Variants in BANK1 observed in about 807,000 individuals in gnomAD.
BANK1 encodes B cell scaffold protein with ankyrin repeats 1.
In BANK1, 95 loss-of-function variants were observed where a neutral mutation model predicts 94.5. The ratio of observed to expected loss-of-function variants is 1.00; its 90% CI spans 0.85 to 1.19. The LOEUF (loss-of-function observed/expected upper bound fraction) is 1.19, where lower values mean the gene tolerates loss of function less well. BANK1 is among the 50% of genes most tolerant of loss of function. BANK1 has a pLI of 0.00. For synonymous variants in BANK1, 334 were observed against 308.4 expected (o/e 1.08, Z -0.87); for missense variants, 987 against 932.2 (o/e 1.06, Z -0.77).
intron 7 of BANK1, among the ~76,000 whole-genome samples, chr4:102,002,365 A>G (rs1030188302): frequency 4.3e-5 from 6 of 139,588 alleles, no homozygotes; most frequent in Admixed American, 2.2e-4. Context: ...TCCTTTGTGG[A>G]AAAAAAAAAA....
chr4:101,819,139 C>CA (rs1331098354), intron 1 of BANK1, among the ~76,000 whole-genome samples: 1 of 152,084 alleles, frequency 6.6e-6, no homozygotes, highest in East Asian at 1.9e-4. Flanking sequence ...TATAAATTCC[C>CA]AAAAAATACC....
intron 7 of BANK1, among the ~76,000 whole-genome samples, chr4:101,985,554 T>A (rs1725456224): frequency 6.6e-6 from 1 of 152,142 alleles, no homozygotes; most frequent in South Asian, 2.1e-4. Flanking sequence ...TGTTAAATTT[T>A]AACTTGTGTT....
At chr4:102,041,215 G>A (rs985620745) in intron 10 of BANK1, among the ~76,000 whole-genome samples, 2 of 152,002 alleles carry the variant, frequency 1.3e-5, no homozygotes, top group Non-Finnish European at 2.9e-5. Flanking sequence ...AAGTCTTTTA[G>A]AACAAAGGTT....
At chr4:101,899,139 G>A (rs1160316022) in intron 6 of BANK1, among the ~76,000 whole-genome samples, 1 of 151,588 alleles carries the variant, frequency 6.6e-6, no homozygotes, top group Non-Finnish European at 1.5e-5. Flanking sequence ...CAGAAGCTGT[G>A]AAGAAATCAA....
chr4:101,987,675 A>G (rs975106569), intron 7 of BANK1, among the ~76,000 whole-genome samples: 1 of 152,150 alleles, frequency 6.6e-6, no homozygotes, highest in East Asian at 1.9e-4. Flanking sequence ...TCCTCTGTTC[A>G]TGACAAATAT....
chr4:101,906,559 C>T (rs1173997417), intron 6 of BANK1, among the ~76,000 whole-genome samples: 1 of 152,124 alleles, frequency 6.6e-6, no homozygotes, highest in East Asian at 1.9e-4. Context: ...TAGGGATGAA[C>T]CTTTCCCTTC....
At chr4:101,874,565 T>C (rs1413479965) in intron 5 of BANK1, among the ~76,000 whole-genome samples, 1 of 152,228 alleles carries the variant, frequency 6.6e-6, no homozygotes, top group Non-Finnish European at 1.5e-5. Flanking sequence ...ATCAGTGTTA[T>C]CTAAGATACT....
chr4:101,795,073 A>G (rs1017460354), intron 1 of BANK1, among the ~76,000 whole-genome samples: 2 of 147,910 alleles, frequency 1.4e-5, no homozygotes, highest in Admixed American at 1.3e-4. Context: ...TTTTTTTTTC[A>G]TCTGATACAT....
At chr4:101,952,774 TCA>T (rs1350227471) in intron 7 of BANK1, among the ~76,000 whole-genome samples, 1 of 152,142 alleles carries the variant, frequency 6.6e-6, no homozygotes, top group Non-Finnish European at 1.5e-5. Context: ...ATAAACTTTT[TCA>T]CAGTTAAGAA....
chr4:101,940,780 T>C (rs948257122), intron 7 of BANK1, among the ~76,000 whole-genome samples: 63 of 151,814 alleles, frequency 4.1e-4, no homozygotes, highest in African/African-American at 1.5e-3. Context: ...TGATATTTCC[T>C]ATCAACATAA....
intron 7 of BANK1, among the ~76,000 whole-genome samples, chr4:101,983,728 GT>G (rs1229730733): frequency 1.9e-4 from 29 of 152,036 alleles, no homozygotes; most frequent in Non-Finnish European, 4.1e-4. Flanking sequence ...GAGAAAAGAT[GT>G]TCCAGATATT....
chr4:101,811,083 T>A (rs998386969), intron 1 of BANK1, among the ~76,000 whole-genome samples: 1 of 152,190 alleles, frequency 6.6e-6, no homozygotes, highest in Non-Finnish European at 1.5e-5. Context: ...AAAGAGCTTT[T>A]AAATGACAGG....
intron 1 of BANK1, among the ~76,000 whole-genome samples, chr4:101,806,325 A>G (rs1424627704): frequency 1.5e-5 from 2 of 136,706 alleles, no homozygotes; most frequent in Non-Finnish European, 3.1e-5. Context: ...CTCGCTCCAT[A>G]TAAATCTATT....
At chr4:101,994,515 A>G (rs1259658642) in intron 7 of BANK1, among the ~76,000 whole-genome samples, 1 of 152,136 alleles carries the variant, frequency 6.6e-6, no homozygotes. Context: ...TTTTTTAAAA[A>G]ATATAATTGC....
intron 6 of BANK1, among the ~76,000 whole-genome samples, chr4:101,902,137 T>C (rs2148893757): frequency 6.6e-6 from 1 of 152,286 alleles, no homozygotes; most frequent in African/African-American, 2.4e-5. Context: ...AAGCTGAAAA[T>C]GTGACCTGGA....
At chr4:101,799,471 T>C (rs1351349546) in intron 1 of BANK1, among the ~76,000 whole-genome samples, 1 of 152,228 alleles carries the variant, frequency 6.6e-6, no homozygotes, top group Non-Finnish European at 1.5e-5. Flanking sequence ...CAAAGGATTA[T>C]AAATCATGCT....
At chr4:101,867,792 G>A (rs1477894799) in intron 4 of BANK1, among the ~76,000 whole-genome samples, 2 of 130,378 alleles carry the variant, frequency 1.5e-5, no homozygotes, top group Non-Finnish European at 3.3e-5. Flanking sequence ...ATAAATAAAA[G>A]CTATAAATGG....
chr4:101,814,346 A>G (rs1203790932), intron 1 of BANK1, among the ~76,000 whole-genome samples: 1 of 152,200 alleles, frequency 6.6e-6, no homozygotes, highest in Non-Finnish European at 1.5e-5. Flanking sequence ...CTCTCAAGTC[A>G]TGATTATGCT....
chr4:101,834,263 A>G (rs536805909), intron 2 of BANK1, among the ~76,000 whole-genome samples: 10 of 152,324 alleles, frequency 6.6e-5, no homozygotes, highest in African/African-American at 2.2e-4. Context: ...ACAACACAGC[A>G]CTATTTTGGA....
Sources: allele counts gnomAD v4.1 joint callset (sites outside exome capture counted in the v4.1 genomes callset), GRCh38; gene constraint gnomAD v4.1.1; transcripts MANE v1.5; gene names NCBI Gene and HGNC (gene_info 2026-07-23, HGNC 2026-07-21).